Variants in ZBBX observed in about 807,000 individuals in gnomAD.
ZBBX encodes the protein zinc finger B-box domain containing, also known as zinc finger B-box domain-containing protein 1.
ZBBX carries 101 observed loss-of-function variants against 108.5 expected under a neutral mutation model. The ratio of observed to expected loss-of-function variants is 0.93; its 90% CI spans 0.79 to 1.10. The LOEUF (loss-of-function observed/expected upper bound fraction) is 1.10. ZBBX is among the 50% of genes least tolerant of loss of function. ZBBX has a pLI of 0.00. For missense variants in ZBBX, 1,009 were observed against 941.4 expected, an observed-to-expected ratio of 1.07 and a Z score of -0.94; for synonymous variants, 356 against 323.4, an observed-to-expected ratio of 1.10 and a Z score of -1.08.
At chr3:167,397,142 T>TAGAAAAAAAAAAAAAAAAAAAAAAA (rs1748261711) in intron 1 of ZBBX, among the ~76,000 whole-genome samples, 1 of 72,428 alleles carries the variant, frequency 1.4e-5, no homozygotes, top group African/African-American at 5.3e-5. Flanking sequence ...TTCTTGGTGG[T>TAGAAAAAAAAAAAAAAAAAAAAAAA]AAAAAAAAAA....
chr3:167,200,538 T>C, the ZBBX span, among the ~76,000 whole-genome samples: 34 of 152,162 alleles, frequency 2.2e-4, no homozygotes, highest in Admixed American at 2.2e-3. Flanking sequence ...ATCTACTTTC[T>C]CTAAGTAACT....
the ZBBX span, among the ~76,000 whole-genome samples, chr3:167,233,654 A>G: frequency 1.3e-5 from 2 of 151,814 alleles, no homozygotes; most frequent in Admixed American, 1.3e-4. Context: ...CCCTTTAAGT[A>G]TCTTGAGTGG....
intron 9 of ZBBX, among the ~76,000 whole-genome samples, chr3:167,343,560 C>T (rs938227167): frequency 6.6e-5 from 10 of 151,922 alleles, no homozygotes; most frequent in South Asian, 2.1e-4. Flanking sequence ...TCCAGGTCTT[C>T]GAAAAATTCT....
downstream of ZBBX, among the ~76,000 whole-genome samples, chr3:167,235,527 A>AAT (rs61547127): frequency 0.025 from 3,773 of 149,466 alleles, 163 homozygotes; most frequent in African/African-American, 0.086. Context: ...TAAAAATGTG[A>AAT]ATATATATAT....
the ZBBX span, among the ~76,000 whole-genome samples, chr3:167,212,479 C>T: frequency 8.5e-5 from 13 of 152,282 alleles, no homozygotes; most frequent in African/African-American, 3.1e-4. Context: ...TAAGCCTTAT[C>T]CACAGCTCCA....
chr3:167,189,385 A>G, the ZBBX span, among the ~76,000 whole-genome samples: 1 of 152,154 alleles, frequency 6.6e-6, no homozygotes, highest in Admixed American at 6.5e-5. Context: ...CCAAGTTGTG[A>G]CGGATGTCTG....
chr3:167,206,891 C>A, the ZBBX span, among the ~76,000 whole-genome samples: 1 of 152,072 alleles, frequency 6.6e-6, no homozygotes, highest in East Asian at 1.9e-4. Flanking sequence ...GGGGAAAGGA[C>A]AGCCTCTTCA....
chr3:167,275,055 A>G (rs2108490934), intron 20 of ZBBX, among the ~76,000 whole-genome samples: 1 of 152,292 alleles, frequency 6.6e-6, no homozygotes, highest in East Asian at 1.9e-4. Context: ...GTGGAAAAAC[A>G]TTTATCTGAA....
rs543675711 is a variant in ZBBX at position 167,400,170 on chromosome 3, G to T, written c.-446+7556C>A. On this transcript the variant is annotated intron_variant, in intron 1 of 21. Coordinates refer to the ZBBX transcript ENST00000455345. The stretch of plus-strand genomic sequence containing the variant: ...GAATAATGCTGCAGTGAACATACAC[G>T]TGCATGTGTCTTTTTGGTAAAATGA... 3.9e-5 allele frequency among the ~76,000 whole-genome samples: 6 copies of T among 152,148 alleles called. No individual in the cohort carries two copies. In the East Asian group the frequency reaches 1.2e-3, roughly 29 times the overall value.
the ZBBX span, among the ~76,000 whole-genome samples, chr3:167,210,754 T>C: frequency 1.3e-5 from 2 of 152,092 alleles, no homozygotes; most frequent in East Asian, 3.9e-4. Context: ...ATGACATATT[T>C]AAAGTGCTGA....
At position 167,242,676 on chromosome 3, in the gene ZBBX, A is replaced by T. The variant is rs774612396; in HGVS notation, c.2255-33T>A. The T allele has an allele frequency of 2.5e-6, 4 of 1,594,852 alleles. No individual in the cohort carries two copies. In the Admixed American group the frequency reaches 6.9e-5, roughly 28 times the overall value. ...ATTTTATTTCATGCATTGTCAAAAC[A>T]TAAATTCAAGAAACAAATATACAGC... On this transcript the variant is annotated intron_variant, in intron 20 of 21. Coordinates refer to ENST00000675490, the MANE Select transcript of ZBBX (RefSeq NM_001199201.2).
At chr3:167,396,270 G>A (rs1748233149) in intron 1 of ZBBX, among the ~76,000 whole-genome samples, 1 of 152,000 alleles carries the variant, frequency 6.6e-6, no homozygotes. Flanking sequence ...CCTGGGTTCT[G>A]TTGTTGAATG....
At chr3:167,380,035 C>T (rs1297152002) in intron 1 of ZBBX, among the ~76,000 whole-genome samples, 2 of 152,218 alleles carry the variant, frequency 1.3e-5, no homozygotes, top group African/African-American at 2.4e-5. Context: ...GGGCCCCGTC[C>T]TGCTGCCTGC....
intron 4 of ZBBX, 51 bp downstream of exon 4, chr3:167,372,783 A>G (rs1175053966): frequency 1.1e-6 from 1 of 935,696 alleles, no homozygotes; most frequent in Non-Finnish European, 1.7e-6. Flanking sequence ...ATTACAATAT[A>G]CAGAAGCTTT....
intron 9 of ZBBX, among the ~76,000 whole-genome samples, chr3:167,350,216 A>C (rs889737422): frequency 1.3e-5 from 2 of 151,878 alleles, no homozygotes; most frequent in African/African-American, 4.8e-5. Flanking sequence ...ACTACGTTAA[A>C]ACAGTTTAAA....
intron 2 of ZBBX, among the ~76,000 whole-genome samples, chr3:167,378,105 T>G (rs1206804380): frequency 1.3e-5 from 2 of 152,206 alleles, no homozygotes; most frequent in African/African-American, 4.8e-5. Flanking sequence ...TCCCCAGCCC[T>G]GCAGAACTGT....
chr3:167,282,182 C>A, intron 20 of ZBBX, 56 bp downstream of exon 20: 1 of 1,507,086 alleles, frequency 6.6e-7, no homozygotes, highest in South Asian at 1.4e-5. Context: ...ATGAAGAATC[C>A]GGCTGAGGGC....
chr3:167,262,514 A>G (rs999233004), intron 20 of ZBBX, among the ~76,000 whole-genome samples: 5 of 151,958 alleles, frequency 3.3e-5, no homozygotes, highest in African/African-American at 1.2e-4. Context: ...ATATTGGGAG[A>G]CATTTTTGGT....
At chr3:167,361,416 A>G (rs1390611486) in intron 6 of ZBBX, among the ~76,000 whole-genome samples, 1 of 152,190 alleles carries the variant, frequency 6.6e-6, no homozygotes, top group East Asian at 1.9e-4. Flanking sequence ...TACACAAACG[A>G]GAATGAAGGA....
Sources: allele counts gnomAD v4.1 joint callset (sites outside exome capture counted in the v4.1 genomes callset), GRCh38; gene constraint gnomAD v4.1.1; transcripts MANE v1.5; gene names NCBI Gene and HGNC (gene_info 2026-07-23, HGNC 2026-07-21).